TENM3: variants seen among roughly 807,000 people sequenced by gnomAD.
TENM3 encodes teneurin transmembrane protein 3, also known as teneurin-3.
In TENM3, 63 loss-of-function variants were observed where a neutral mutation model predicts 255.1. That is an observed-to-expected ratio of 0.25 (90% CI 0.20 to 0.30). TENM3 has a LOEUF of 0.30. TENM3 is among the 10% of genes least tolerant of loss of function. TENM3 has a pLI of 1.00. For missense variants in TENM3, 2,929 were observed against 3,461.1 expected (o/e 0.85, Z 3.86); for synonymous variants, 1,306 against 1,322.3 (o/e 0.99, Z 0.27).
chr4:182,564,423 G>C (rs551339508), intron 3 of TENM3, among the ~76,000 whole-genome samples: 1 of 152,206 alleles, frequency 6.6e-6, no homozygotes, highest in Admixed American at 6.5e-5. Context: ...CAAAGTGCTG[G>C]GATTACAGGC....
the TENM3 span, among the ~76,000 whole-genome samples, chr4:182,100,227 G>A: frequency 6.6e-5 from 10 of 151,080 alleles, no homozygotes; most frequent in Non-Finnish European, 1.0e-4. Context: ...AAAATGTCAG[G>A]ATCATAAACC....
chr4:182,447,559 G>C (rs1409986222), intron 3 of TENM3, among the ~76,000 whole-genome samples: 1 of 152,202 alleles, frequency 6.6e-6, no homozygotes, highest in Non-Finnish European at 1.5e-5. Context: ...TGGGGGAAGA[G>C]AGAAATTCTA....
chr4:181,512,610 C>T, the TENM3 span, among the ~76,000 whole-genome samples: 9 of 152,298 alleles, frequency 5.9e-5, no homozygotes, highest in East Asian at 1.5e-3. Flanking sequence ...CCCACTTCGT[C>T]GCTAACTCAT....
intron 24 of TENM3, among the ~76,000 whole-genome samples, chr4:182,783,536 G>C (rs1176037028): frequency 6.6e-6 from 1 of 151,228 alleles, no homozygotes; most frequent in African/African-American, 2.4e-5. Flanking sequence ...TATGTGTCTT[G>C]GAGTTGCTCT....
chr4:182,443,735 A>G lies in TENM3; in HGVS notation c.511+96806A>G, dbSNP rs193154631. Among the ~76,000 whole-genome samples, 213 of 152,194 alleles carry G rather than the reference A, an allele frequency of 1.4e-3. 1 individual carries two copies. Among genetic ancestry groups the G allele is most frequent in the African/African-American group, 4.7e-3 (195 of 41,520 alleles). The stretch of plus-strand genomic sequence containing the variant: ...TCCAGACCTCATCACACACACCCAG[A>G]TCCTGCTTCCTCCTCCTCCCTGCCT... On this transcript the variant is annotated intron_variant, in intron 3 of 27. Transcript: ENST00000511685.
the TENM3 span, among the ~76,000 whole-genome samples, chr4:182,104,416 T>C: frequency 6.6e-6 from 1 of 151,996 alleles, no homozygotes; most frequent in Admixed American, 6.6e-5. Flanking sequence ...ACTGTCACCT[T>C]TTCTATAAAA....
chr4:182,615,046 C>CATATATAT (rs10570169), intron 4 of TENM3, among the ~76,000 whole-genome samples: 53 of 112,040 alleles, frequency 4.7e-4, no homozygotes, highest in African/African-American at 4.0e-4. Context: ...AAAAAAAATA[C>CATATATAT]ATATATATAT....
At chr4:182,755,797 G>A (rs1004162798) in intron 22 of TENM3, among the ~76,000 whole-genome samples, 32 of 151,920 alleles carry the variant, frequency 2.1e-4, no homozygotes, top group Admixed American at 5.9e-4. Context: ...CCGAGATCGC[G>A]CCACTGCACT....
chr4:182,783,669 TC>T (rs1765369683), intron 24 of TENM3, among the ~76,000 whole-genome samples: 2 of 152,006 alleles, frequency 1.3e-5, no homozygotes, highest in Admixed American at 1.3e-4. Flanking sequence ...TTGGTTCCAT[TC>T]TCCCCATCAC....
intron 3 of TENM3, among the ~76,000 whole-genome samples, chr4:182,593,972 TA>T (rs76793472): frequency 4.1e-3 from 579 of 140,972 alleles, no homozygotes; most frequent in Middle Eastern, 7.1e-3. Flanking sequence ...CTTTTAGTCT[TA>T]AAAAAAAAAA....
the TENM3 span, among the ~76,000 whole-genome samples, chr4:181,487,825 G>A: frequency 1.3e-5 from 2 of 152,020 alleles, no homozygotes; most frequent in East Asian, 1.9e-4. Context: ...CAGGGTGTGC[G>A]GGAAAAAGAA....
chr4:181,864,996 A>G, the TENM3 span, among the ~76,000 whole-genome samples: 1 of 152,204 alleles, frequency 6.6e-6, no homozygotes, highest in African/African-American at 2.4e-5. Flanking sequence ...CACCCTTACA[A>G]AGTAATACAA....
rs146722712 is a variant in TENM3 at position 182,449,621 on chromosome 4, G to A, written c.511+102692G>A. Among the ~76,000 whole-genome samples, 279 of 152,272 alleles carry A rather than the reference G, an allele frequency of 1.8e-3. 2 individuals are homozygous for A. The highest frequency in any genetic ancestry group is 3.3e-3 in the Admixed American group (51 of 15,300). On this transcript the variant is annotated intron_variant, in intron 3 of 27. Coordinates refer to ENST00000511685, the MANE Select transcript of TENM3 (RefSeq NM_001080477.4). ...TGAAATGTGCAAAAATCGGCATTGA[G>A]CTTAAATTAATAAGCCCTTTGGTTC...
intron 4 of TENM3, among the ~76,000 whole-genome samples, chr4:182,605,113 G>A (rs770196216): frequency 6.6e-6 from 1 of 152,122 alleles, no homozygotes; most frequent in Non-Finnish European, 1.5e-5. Flanking sequence ...ATCCTATATG[G>A]GGTAGCTTTC....
the TENM3 span, among the ~76,000 whole-genome samples, chr4:182,041,302 G>A: frequency 6.6e-6 from 1 of 152,116 alleles, no homozygotes; most frequent in East Asian, 1.9e-4. Flanking sequence ...ACAGGGACAG[G>A]TATGGGAGGG....
At chr4:182,534,650 T>G (rs73004823) in intron 3 of TENM3, among the ~76,000 whole-genome samples, 8,347 of 152,280 alleles carry the variant, frequency 0.055, 319 homozygotes, top group East Asian at 0.11. Context: ...AAGAGCTTGT[T>G]TCTTCGAAAT....
At chr4:181,478,039 A>G in the TENM3 span, among the ~76,000 whole-genome samples, 10 of 152,336 alleles carry the variant, frequency 6.6e-5, no homozygotes, top group Admixed American at 6.5e-4. Flanking sequence ...TTGTCTCCAA[A>G]CATTCCATAA....
intron 1 of TENM3, among the ~76,000 whole-genome samples, chr4:182,262,692 A>T (rs1373521552): frequency 6.6e-6 from 1 of 150,408 alleles, no homozygotes; most frequent in Non-Finnish European, 1.5e-5. Flanking sequence ...CTGTCCATGG[A>T]GTAGCCATTC....
At chr4:181,852,759 C>A in the TENM3 span, among the ~76,000 whole-genome samples, 1 of 152,210 alleles carries the variant, frequency 6.6e-6, no homozygotes, top group Admixed American at 6.5e-5. Context: ...TCATGTAATT[C>A]TCACAAAACA....
Sources: gnomAD v4.1 joint callset for allele counts (sites outside exome capture counted in the v4.1 genomes callset) on GRCh38, gnomAD v4.1.1 for gene constraint, MANE v1.5 for transcripts, NCBI Gene and HGNC (gene_info 2026-07-23, HGNC 2026-07-21) for gene names.